Variants in HMCN2 observed in about 807,000 individuals in gnomAD.
The protein encoded by HMCN2 is hemicentin-2.
In HMCN2, 325 loss-of-function variants were observed where a neutral mutation model predicts 377.5. The ratio of observed to expected loss-of-function variants is 0.86; its 90% CI spans 0.79 to 0.94. The LOEUF is 0.94. Ranked by LOEUF, HMCN2 falls within the 40% of genes least tolerant of loss-of-function variation. The pLI is 0.00. For missense variants in HMCN2, 4,543 were observed against 4,725.3 expected (o/e 0.96, Z 1.13); for synonymous variants, 2,007 against 2,046.8 (o/e 0.98, Z 0.53).
At chr9:130,417,673 G>A (rs1317779629) in intron 85 of HMCN2, among the ~76,000 whole-genome samples, 1 of 152,194 alleles carries the variant, frequency 6.6e-6, no homozygotes, top group African/African-American at 2.4e-5. Context: ...TGGGGCAGAA[G>A]CTGGAAGAGG....
intron 1 of HMCN2, among the ~76,000 whole-genome samples, chr9:130,269,465 G>C (rs782496994): frequency 1.4e-5 from 2 of 147,738 alleles, no homozygotes; most frequent in East Asian, 1.9e-4. Flanking sequence ...CACACCGAGT[G>C]GGGGGACGAC....
chr9:130,409,561 T>G lies in HMCN2; in HGVS notation c.12879+628T>G, dbSNP rs551759149. Among the ~76,000 whole-genome samples the G allele has an allele frequency of 2.6e-5, 4 of 152,316 alleles. No homozygotes were observed. In the South Asian group the frequency reaches 8.3e-4, roughly 32 times the overall value. ...CTCTGGGTAGTAATGATAATAGGAC[T>G]AGTAATAAGAGCAGTAGTAAGAGCA... is the stretch of plus-strand genomic sequence containing the variant. On this transcript the variant is annotated intron_variant, in intron 84 of 97. Transcript: ENST00000683500.
At chr9:130,306,301 C>T (rs782748832) in intron 12 of HMCN2, 31 bp downstream of exon 12, 1 of 469,196 alleles carries the variant, frequency 2.1e-6, no homozygotes, top group Non-Finnish European at 4.4e-6. Flanking sequence ...ATCTCAGGGA[C>T]TCACAGCAGG....
At chr9:130,331,803 C>G (rs1838443420) in intron 22 of HMCN2, among the ~76,000 whole-genome samples, 1 of 152,240 alleles carries the variant, frequency 6.6e-6, no homozygotes, top group Non-Finnish European at 1.5e-5. Context: ...ACTCCTGGCT[C>G]TGGCTGTGGC....
At position 130,398,860 on chromosome 9, in the gene HMCN2, G is replaced by C. The variant is rs555937255; in HGVS notation, c.11483+153G>C. Among the ~76,000 whole-genome samples, 36 of 152,324 alleles carry C rather than the reference G, an allele frequency of 2.4e-4. 1 individual carries two copies. The South Asian group carries it at 7.5e-3, about 32-fold the overall frequency. On this transcript the variant is annotated intron_variant, in intron 75 of 97. Coordinates refer to ENST00000683500, the MANE Select transcript of HMCN2 (RefSeq NM_001291815.2). ...TTGTGTCTCAACTTTGGGGATCAGA[G>C]AGTCTTCACACTGAGATAGGGGTGA...
chr9:130,417,530 AAAAAAAAC>A (rs1241096923), intron 85 of HMCN2, among the ~76,000 whole-genome samples: 8 of 145,006 alleles, frequency 5.5e-5, no homozygotes, highest in African/African-American at 7.8e-5. Flanking sequence ...TCAAAAAAAA[AAAAAAAAC>A]AAAAAAAAAC....
In HMCN2 at chr9:130,268,387, G is replaced by A. The variant is rs563121417; in HGVS notation, c.259+2250G>A. 2.9e-4 allele frequency among the ~76,000 whole-genome samples: 36 copies of A among 124,532 alleles called. 2 individuals are homozygous for A. Among genetic ancestry groups the A allele is most frequent in the African/African-American group, 6.1e-4 (24 of 39,616 alleles). 81.7% of individuals were successfully genotyped at this position (124,532 alleles called of 152,430 possible). A position where few individuals can be genotyped will look rare whatever the true frequency, so the allele number is the denominator to read the frequency against. On this transcript the variant is annotated intron_variant, in intron 1 of 97. Transcript: ENST00000683500. Reference sequence around the variant, plus strand: ...CCGAGTGACACCCCCAGGTTCAGACGTCGGGGAGACTTCAGCACCATGGAG... The same window carrying A: ...CCGAGTGACACCCCCAGGTTCAGACATCGGGGAGACTTCAGCACCATGGAG...
Position 130,425,057 on chromosome 9 carries a change from G to A in HMCN2, c.13568G>A (p.Gly4523Asp), listed in dbSNP as rs1231093925. Residue 4523 changes from glycine (G) to aspartate (D), a missense_variant, in exon 89 of 98, where the codon GGC becomes GAC. Gly to Asp is a moderately conservative substitution (Grantham distance 94, BLOSUM62 -1). This residue lies in a region of HMCN2 where 1,155 missense variants were observed against 1,157.7 expected (regional missense o/e 1.00). Transcript: ENST00000683500. ...TQVARGLDPDGLLLLDVVVNG... is the reference protein window; with the variant it reads ...TQVARGLDPDDLLLLDVVVNG... ...GTGGCCCGGGGTCTGGATCCCGATG[G>A]CCTCCTGCTCCTCGACGTGGTGGTC... 6 of 1,549,782 alleles carry A rather than the reference G, an allele frequency of 3.9e-6. No homozygotes were observed. The East Asian group carries it at 1.5e-4, about 38-fold the overall frequency.
At position 130,361,697 on chromosome 9, in the gene HMCN2, TC is replaced by T. The variant is rs757883326; in HGVS notation, c.5951-307del. On this transcript the variant is annotated intron_variant, in intron 38 of 97. Transcript: ENST00000683500. The surrounding 1 kb of genome is among the most constrained non-coding windows in gnomAD (Gnocchi z 4.8). ...CCAGGGACCCTTGGTCCCCTCCCCA[TC>T]CCCATAATAAATGACCTTCTGCTGA... Among the ~76,000 whole-genome samples the T allele has an allele frequency of 9.8e-5, 15 of 152,298 alleles. No individual in the cohort carries two copies. The highest frequency in any genetic ancestry group is 1.0e-4 in the Non-Finnish European group (7 of 68,004).
At chr9:130,322,944 C>G (rs1018750970) in intron 19 of HMCN2, among the ~76,000 whole-genome samples, 5 of 152,180 alleles carry the variant, frequency 3.3e-5, no homozygotes, top group African/African-American at 1.2e-4. Flanking sequence ...GAAGAACGCG[C>G]GTTCCCCATT....
chr9:130,284,530 C>T (rs1303168108), intron 1 of HMCN2, 73 bp from the exon 2 acceptor site: 4 of 466,526 alleles, frequency 8.6e-6, no homozygotes, highest in Admixed American at 2.4e-5. Flanking sequence ...CTCATGTCGC[C>T]GACAAACCAG....
At position 130,355,716 on chromosome 9, in the gene HMCN2, CAA is replaced by C. The variant is rs778577931; in HGVS notation, c.5147-28_5147-27del. On this transcript the variant is annotated intron_variant, in intron 32 of 97. Transcript: ENST00000683500. ...TTTGAGGCCAGTGGCTGCTCAGCTC[CAA>C]ACACCCAGGAGTGTGTTCTGCCTGC... 37 of 1,255,768 alleles carry C rather than the reference CAA, an allele frequency of 2.9e-5. No homozygotes were observed. In the African/African-American group the frequency reaches 4.8e-4, roughly 16 times the overall value. 77.8% of individuals were successfully genotyped at this position (1,255,768 alleles called of 1,614,324 possible).
At chr9:130,399,987 G>T (rs1428012303) in intron 76 of HMCN2, among the ~76,000 whole-genome samples, 1 of 152,224 alleles carries the variant, frequency 6.6e-6, no homozygotes, top group Non-Finnish European at 1.5e-5. Context: ...GTGTGGTCTG[G>T]CCCTGCCAGA....
intron 1 of HMCN2, among the ~76,000 whole-genome samples, chr9:130,282,586 C>T (rs2131268873): frequency 6.6e-6 from 1 of 152,282 alleles, no homozygotes; most frequent in South Asian, 2.1e-4. Context: ...CGGATAAACA[C>T]AGAGCAGAGG....
In HMCN2 at chr9:130,295,692, C is replaced by T. The variant is rs1836093717; in HGVS notation, c.811C>T (p.Leu271Phe). 2 of 471,052 alleles carry T rather than the reference C, an allele frequency of 4.2e-6. No homozygotes were observed. The highest frequency in any genetic ancestry group is 3.1e-5 in the South Asian group (2 of 64,560). 29.2% of individuals were successfully genotyped at this position (471,052 alleles called of 1,614,324 possible). A position where few individuals can be genotyped will look rare whatever the true frequency, so the allele number is the denominator to read the frequency against. Residue 271 changes from leucine (L) to phenylalanine (F), a missense_variant, in exon 6 of 98, where the codon CTC (leucine) becomes TTC (phenylalanine). Physicochemically the swap from Leu to Phe is conservative, Grantham distance 22 (BLOSUM62 0). This residue lies in a region of HMCN2 where 547 missense variants were observed against 189.9 expected (regional missense o/e 2.88). Transcript: ENST00000683500. ...GAGGATCCTGCAGGAGGACGAGGGCCTCAACGTGCTTCTCAACATCCCTGA... is the reference window on the plus strand; with the variant it reads ...GAGGATCCTGCAGGAGGACGAGGGCTTCAACGTGCTTCTCAACATCCCTGA... The part of the protein sequence containing the change: ...LGRILQEDEG[L>F]NVLLNIPDSA...
chr9:130,295,922 T>C (rs1554931926), intron 6 of HMCN2, 150 bp downstream of exon 6: 1 of 357,932 alleles, frequency 2.8e-6, no homozygotes, highest in Non-Finnish European at 5.6e-6. Flanking sequence ...AAGTAACGGG[T>C]CAAGGACAGA....
intron 13 of HMCN2, among the ~76,000 whole-genome samples, 187 bp from the exon 14 acceptor site, chr9:130,307,266 G>T (rs1172174865): frequency 2.0e-5 from 3 of 152,084 alleles, no homozygotes; most frequent in African/African-American, 7.2e-5. Context: ...TTGCCTTAGG[G>T]TCACTATGGG....
rs782428967 is a variant in HMCN2, at chr9:130,304,002, AATTG to A, written c.1543+395_1543+398del. Among the ~76,000 whole-genome samples, 12 of 152,186 alleles carry A rather than the reference AATTG, an allele frequency of 7.9e-5. No individual in the cohort carries two copies. Among genetic ancestry groups the A allele is most frequent in the Non-Finnish European group, 1.5e-5 (1 of 68,036 alleles). On this transcript the variant is annotated intron_variant, in intron 10 of 97. Transcript: ENST00000683500. This position sits in a 1 kb window ranked among gnomAD's most constrained non-coding sequence, Gnocchi z 4.3. ...TACACCACAGACTGTCTCCAAATGA[AATTG>A]GCTTTATTTGAAAAATTACGAACGC...
chr9:130,373,701 A>G (rs576068524), intron 48 of HMCN2, among the ~76,000 whole-genome samples: 1 of 49,394 alleles, frequency 2.0e-5, no homozygotes, highest in African/African-American at 4.0e-5. Flanking sequence ...AGATGGATGG[A>G]TAGGTAGATG....
Sources: allele counts gnomAD v4.1 joint callset (sites outside exome capture counted in the v4.1 genomes callset), GRCh38; gene constraint gnomAD v4.1.1; regional missense constraint gnomAD v4.1.1; non-coding constraint Gnocchi (gnomAD v3.1); transcripts MANE v1.5; gene names NCBI Gene and HGNC (gene_info 2026-07-23, HGNC 2026-07-21).